NRXN1: variants seen among roughly 807,000 people sequenced by gnomAD.
The protein encoded by NRXN1 is neurexin 1, also known as neurexin-1.
In NRXN1, 39 loss-of-function variants were observed where a neutral mutation model predicts 150.9. That is an observed-to-expected ratio of 0.26 (90% CI 0.20 to 0.34). NRXN1 has a LOEUF of 0.34. NRXN1 is among the 10% of genes least tolerant of loss of function. The pLI, the probability that NRXN1 is intolerant of heterozygous loss-of-function variation, is 1.00. For synonymous variants in NRXN1, 924 were observed against 757.0 expected (o/e 1.22, Z -3.62); for missense variants, 1,815 against 1,949.9 (o/e 0.93, Z 1.30).
At chr2:50,874,695 A>C (rs938376162) in intron 5 of NRXN1, among the ~76,000 whole-genome samples, 3 of 151,816 alleles carry the variant, frequency 2.0e-5, no homozygotes, top group African/African-American at 7.2e-5. Context: ...TAGTCAAAGA[A>C]AAATAATCTT....
At chr2:50,921,825 A>C in intron 5 of NRXN1, 44 bp downstream of exon 5, 1 of 1,016,642 alleles carries the variant, frequency 9.8e-7, no homozygotes, top group Non-Finnish European at 1.4e-6. Context: ...GACACACTGT[A>C]ATTCATACAG....
chr2:50,593,364 G>A (rs1276389812), intron 8 of NRXN1, among the ~76,000 whole-genome samples: 1 of 152,158 alleles, frequency 6.6e-6, no homozygotes, highest in Admixed American at 6.5e-5. Context: ...CAGGGAACTA[G>A]TATGATATAC....
At chr2:50,481,357 T>C (rs1312811507) in intron 15 of NRXN1, among the ~76,000 whole-genome samples, 1 of 152,258 alleles carries the variant, frequency 6.6e-6, no homozygotes, top group Non-Finnish European at 1.5e-5. Context: ...GAGACTCATC[T>C]GCATAATAAT....
At chr2:51,014,145 A>G (rs1300586579) in intron 2 of NRXN1, among the ~76,000 whole-genome samples, 2 of 152,070 alleles carry the variant, frequency 1.3e-5, no homozygotes, top group African/African-American at 4.8e-5. Flanking sequence ...AAGTGCAGTG[A>G]TGCTGCTGCT....
At chr2:50,372,298 T>A (rs2080087471) in intron 17 of NRXN1, among the ~76,000 whole-genome samples, 1 of 152,086 alleles carries the variant, frequency 6.6e-6, no homozygotes. Flanking sequence ...TGTTCTCTCT[T>A]TTTGCTGGGG....
chr2:50,351,635 T>C (rs2078420112), intron 17 of NRXN1, among the ~76,000 whole-genome samples: 1 of 152,124 alleles, frequency 6.6e-6, no homozygotes, highest in South Asian at 2.1e-4. Context: ...GAGGAATGGT[T>C]CCATAATAAT....
At chr2:50,868,141 T>TTTTA (rs1340312889) in intron 5 of NRXN1, among the ~76,000 whole-genome samples, 2 of 87,722 alleles carry the variant, frequency 2.3e-5, no homozygotes, top group Non-Finnish European at 4.6e-5. Flanking sequence ...AAACAAAATA[T>TTTTA]TATATATATA....
intron 17 of NRXN1, among the ~76,000 whole-genome samples, chr2:50,342,092 C>T (rs908566989): frequency 6.6e-6 from 1 of 152,166 alleles, no homozygotes; most frequent in Admixed American, 6.5e-5. Context: ...TTCTCTGGTC[C>T]TCCATGGTAC....
chr2:50,483,638 T>C (rs545858980), intron 15 of NRXN1, among the ~76,000 whole-genome samples: 21 of 152,236 alleles, frequency 1.4e-4, no homozygotes, highest in African/African-American at 4.8e-4. Flanking sequence ...TTCTGAAAAG[T>C]TTAGTTACCT....
chr2:50,784,421 G>A, intron 5 of NRXN1, among the ~76,000 whole-genome samples: 1 of 152,130 alleles, frequency 6.6e-6, no homozygotes, highest in South Asian at 2.1e-4. Context: ...TGAATGCATA[G>A]GAGTGACCCT....
At chr2:50,151,605 AT>A (rs2058701062) in intron 18 of NRXN1, among the ~76,000 whole-genome samples, 1 of 151,700 alleles carries the variant, frequency 6.6e-6, no homozygotes, top group African/African-American at 2.4e-5. Flanking sequence ...AAACAAGCAA[AT>A]AAAAAAAAAT....
At chr2:50,411,055 C>T (rs947992280) in intron 17 of NRXN1, among the ~76,000 whole-genome samples, 1 of 151,874 alleles carries the variant, frequency 6.6e-6, no homozygotes, top group Non-Finnish European at 1.5e-5. Context: ...CCTCCCCGTC[C>T]CTCTCCCTCT....
At chr2:50,936,043 A>G (rs1378038556) in intron 2 of NRXN1, among the ~76,000 whole-genome samples, 1 of 152,146 alleles carries the variant, frequency 6.6e-6, no homozygotes, top group African/African-American at 2.4e-5. Context: ...AAATAAGGCA[A>G]TGCATTTATA....
intron 18 of NRXN1, among the ~76,000 whole-genome samples, chr2:50,137,051 G>T (rs1706519365): frequency 6.6e-6 from 1 of 152,096 alleles, no homozygotes; most frequent in Admixed American, 6.5e-5. Flanking sequence ...TGAGTATTTG[G>T]CTTTGATATA....
chr2:50,736,716 C>A (rs1288609154), intron 5 of NRXN1, among the ~76,000 whole-genome samples: 1 of 152,074 alleles, frequency 6.6e-6, no homozygotes, highest in African/African-American at 2.4e-5. Context: ...GATTGTGAGG[C>A]CTCTCCAGAC....
At position 49,921,165 on chromosome 2, in the gene NRXN1, T is replaced by C. The variant is rs1055394459; in HGVS notation, c.*779A>G. 1.3e-5 allele frequency: 2 copies of C among 152,620 alleles called. No homozygotes were observed. The highest frequency in any genetic ancestry group is 1.9e-4 in the East Asian group (1 of 5,190). 9.5% of individuals were successfully genotyped at this position (152,620 alleles called of 1,614,324 possible). A position where few individuals can be genotyped will look rare whatever the true frequency, so the allele number is the denominator to read the frequency against. Reference sequence around the variant, plus strand: ...GGCTATAAAACGTCACTTATCACAGTCCAGAAAGCACACAGAGATGGATTT... The same window carrying C: ...GGCTATAAAACGTCACTTATCACAGCCCAGAAAGCACACAGAGATGGATTT... On this transcript the variant is annotated 3_prime_UTR_variant, in exon 23 of 23. Transcript: ENST00000401669.
chr2:50,172,855 C>G (rs1382926605), intron 18 of NRXN1, among the ~76,000 whole-genome samples: 2 of 152,018 alleles, frequency 1.3e-5, no homozygotes, highest in African/African-American at 4.8e-5. Flanking sequence ...TAGTCCCAGC[C>G]ACTTGGGAGG....
intron 5 of NRXN1, among the ~76,000 whole-genome samples, chr2:50,687,574 C>T (rs1229311556): frequency 2.0e-5 from 3 of 152,122 alleles, no homozygotes; most frequent in Non-Finnish European, 2.9e-5. Flanking sequence ...ACCAGATAAC[C>T]AAGTTTATTA....
intron 5 of NRXN1, among the ~76,000 whole-genome samples, chr2:50,795,300 C>T (rs963701336): frequency 1.3e-5 from 2 of 152,102 alleles, no homozygotes; most frequent in Non-Finnish European, 2.9e-5. Flanking sequence ...GGTCTGGAAA[C>T]TACCCAAGAA....
Sources: gnomAD v4.1 joint callset for allele counts (sites outside exome capture counted in the v4.1 genomes callset) on GRCh38, gnomAD v4.1.1 for gene constraint, MANE v1.5 for transcripts, NCBI Gene and HGNC (gene_info 2026-07-23, HGNC 2026-07-21) for gene names.